Variants in STX17 observed in about 807,000 individuals in gnomAD.
The protein encoded by STX17 is syntaxin 17, also known as syntaxin-17.
STX17 carries 29 observed loss-of-function variants against 35.9 expected under a neutral mutation model. The observed-to-expected ratio is 0.81, with a 90% confidence interval of 0.60 to 1.10. STX17 has a LOEUF of 1.10. Among genes scored for constraint, STX17 ranks in the 50% least tolerant of loss-of-function variants. STX17 has a pLI of 0.00. For missense variants in STX17, 312 were observed against 352.3 expected, an observed-to-expected ratio of 0.89 and a Z score of 0.92; for synonymous variants, 92 against 118.3, an observed-to-expected ratio of 0.78 and a Z score of 1.44.
chr9:99,965,383 A>G (rs1829894448), intron 6 of STX17, among the ~76,000 whole-genome samples: 1 of 152,236 alleles, frequency 6.6e-6, no homozygotes, highest in South Asian at 2.1e-4. Flanking sequence ...AAATGGCAAT[A>G]ATCCTGGCAG....
intron 3 of STX17, among the ~76,000 whole-genome samples, chr9:99,932,905 A>G (rs754012999): frequency 6.6e-6 from 1 of 152,184 alleles, no homozygotes; most frequent in Non-Finnish European, 1.5e-5. Context: ...AGTAAGAGCT[A>G]TATTGTCACA....
chr9:99,944,600 C>T (rs908569736), intron 3 of STX17, among the ~76,000 whole-genome samples: 4 of 151,572 alleles, frequency 2.6e-5, no homozygotes, highest in Admixed American at 6.6e-5. Context: ...CTGCAACCTC[C>T]GCCTCTTGGG....
chr9:99,929,945 C>G (rs928533011), intron 3 of STX17: 3 of 127,722 alleles, frequency 2.3e-5, no homozygotes, highest in African/African-American at 8.8e-5. Context: ...CAGAGTCTCA[C>G]TCTGTTGCCC....
intron 4 of STX17, among the ~76,000 whole-genome samples, chr9:99,953,514 A>G (rs946924574): frequency 6.6e-6 from 1 of 152,058 alleles, no homozygotes; most frequent in African/African-American, 2.4e-5. Flanking sequence ...CTGTTCATCT[A>G]TAGTTATTGC....
Position 99,915,180 on chromosome 9 carries a change from T to G in STX17, c.-60T>G. ...TTAAAGAAATATTTTTCTTTTAGGT[T>G]TTTCTATATGAGTGGAGAAGACAGC... On this transcript the variant is annotated splice_region_variant and 5_prime_UTR_variant, in exon 2 of 8. Transcript: ENST00000259400. 3.3e-6 allele frequency: 5 copies of G among 1,504,006 alleles called. No individual in the cohort carries two copies. The highest frequency in any genetic ancestry group is 4.4e-6 in the Non-Finnish European group (5 of 1,127,310). 93.2% of individuals were successfully genotyped at this position (1,504,006 alleles called of 1,614,324 possible). A position where few individuals can be genotyped will look rare whatever the true frequency, so the allele number is the denominator to read the frequency against.
intron 1 of STX17, chr9:99,907,455 C>T (rs533648566): frequency 6.6e-6 from 1 of 152,228 alleles, no homozygotes; most frequent in South Asian, 2.1e-4. Context: ...TATTAATAAC[C>T]TCCTAAGTAA....
At chr9:99,912,678 A>G (rs1828688469) in intron 1 of STX17, among the ~76,000 whole-genome samples, 1 of 152,236 alleles carries the variant, frequency 6.6e-6, no homozygotes, top group African/African-American at 2.4e-5. Flanking sequence ...GAAACAACCT[A>G]AATAGCCAAT....
chr9:99,912,259 T>C (rs972169752), intron 1 of STX17, among the ~76,000 whole-genome samples: 11 of 152,026 alleles, frequency 7.2e-5, no homozygotes, highest in African/African-American at 2.4e-4. Context: ...CCTCTTTTGC[T>C]ACATCCTCAC....
At chr9:99,943,130 CGTTTGTTT>C (rs955874953) in intron 3 of STX17, among the ~76,000 whole-genome samples, 2 of 151,544 alleles carry the variant, frequency 1.3e-5, no homozygotes, top group Non-Finnish European at 1.5e-5. Flanking sequence ...TTTGTTTGTT[CGTTTGTTT>C]GTTTGTTTGT....
chr9:99,939,361 T>A (rs1295323917), intron 3 of STX17, among the ~76,000 whole-genome samples: 1 of 152,232 alleles, frequency 6.6e-6, no homozygotes, highest in Non-Finnish European at 1.5e-5. Flanking sequence ...ATGAGCTGAT[T>A]AATCAGGATT....
chr9:99,948,627 G>A (rs1172305200), intron 3 of STX17, among the ~76,000 whole-genome samples: 1 of 152,074 alleles, frequency 6.6e-6, no homozygotes, highest in Admixed American at 6.6e-5. Context: ...ATTGTGAGGG[G>A]AAGATAAAAG....
At chr9:99,912,381 TA>T (rs1414799148) in intron 1 of STX17, among the ~76,000 whole-genome samples, 1 of 151,942 alleles carries the variant, frequency 6.6e-6, no homozygotes, top group Non-Finnish European at 1.5e-5. Flanking sequence ...TGTTGAGCAT[TA>T]AAAAAAATAC....
At chr9:99,941,561 C>T (rs570060961) in intron 3 of STX17, among the ~76,000 whole-genome samples, 2 of 152,250 alleles carry the variant, frequency 1.3e-5, no homozygotes, top group South Asian at 4.1e-4. Flanking sequence ...TGTATCACTA[C>T]TCAGATCAAG....
chr9:99,922,024 T>A (rs1283943877), intron 2 of STX17, among the ~76,000 whole-genome samples: 1 of 152,164 alleles, frequency 6.6e-6, no homozygotes, highest in Non-Finnish European at 1.5e-5. Flanking sequence ...CACCCTATCA[T>A]TTGTCACCTT....
intron 6 of STX17, among the ~76,000 whole-genome samples, chr9:99,964,061 C>A (rs1587942361): frequency 3.5e-5 from 3 of 86,094 alleles, no homozygotes; most frequent in Admixed American, 2.1e-4. Context: ...TTTCCAAGAA[C>A]CTTAAACTTT....
chr9:99,919,531 G>T (rs951867840), intron 2 of STX17, among the ~76,000 whole-genome samples: 1 of 152,090 alleles, frequency 6.6e-6, no homozygotes, highest in African/African-American at 2.4e-5. Context: ...CTTCCAAAGT[G>T]TTGCAAAATG....
At chr9:99,953,911 T>C (rs1189745063) in intron 4 of STX17, 1 of 152,066 alleles carries the variant, frequency 6.6e-6, no homozygotes, top group Non-Finnish European at 1.5e-5. Flanking sequence ...TTTGGGCTTA[T>C]ATGTCATCAG....
Position 99,926,158 on chromosome 9 carries a change from ATTAAT to A in STX17, c.124-2614_124-2610del, listed in dbSNP as rs375704594. 5.2e-3 allele frequency among the ~76,000 whole-genome samples: 787 copies of A among 151,808 alleles called. 7 individuals carry two copies. The highest frequency in any genetic ancestry group is 0.017 in the African/African-American group (716 of 41,500). ...TTCAGGTACTCTTTTTTTAAATTCT[ATTAAT>A]TTAATATTTTAAAATATCTTATATG... On this transcript the variant is annotated intron_variant, in intron 2 of 7. Transcript: ENST00000259400.
At position 99,951,203 on chromosome 9, in the gene STX17, A is replaced by G; in HGVS notation, c.333A>G (p.Glu111=). 6.2e-7 allele frequency: 1 copy of G among 1,613,188 alleles called. No individual in the cohort carries two copies. Among genetic ancestry groups the G allele is most frequent in the East Asian group, 2.2e-5 (1 of 44,840 alleles). ...CAGAATTTCTCCAACTCCATTTGGA[A>G]TCTGTAGAAGAACTTAAGAAGCAAT... The part of the protein sequence containing the change: ...ATAEFLQLHL[E]SVEELKKQFN... The change falls in exon 4 of 8, where the codon GAA becomes GAG. Residue 111 remains glutamate, a synonymous_variant. Coordinates refer to ENST00000259400, the MANE Select transcript of STX17 (RefSeq NM_017919.3).
Sources: allele counts gnomAD v4.1 joint callset (sites outside exome capture counted in the v4.1 genomes callset), GRCh38; gene constraint gnomAD v4.1.1; transcripts MANE v1.5; gene names NCBI Gene and HGNC (gene_info 2026-07-23, HGNC 2026-07-21).